ATRN: variants seen among roughly 807,000 people sequenced by gnomAD.
The protein encoded by ATRN is attractin.
Under a neutral mutation model 178.7 loss-of-function variants are expected in ATRN, and 54 were observed. The ratio of observed to expected loss-of-function variants is 0.30; its 90% CI spans 0.24 to 0.38. The LOEUF (loss-of-function observed/expected upper bound fraction) is 0.38. Among genes scored for constraint, ATRN ranks in the 10% least tolerant of loss-of-function variants. The pLI, the probability that ATRN is intolerant of heterozygous loss-of-function variation, is 1.00. For synonymous variants in ATRN, 636 were observed against 663.0 expected, an observed-to-expected ratio of 0.96 and a Z score of 0.63; for missense variants, 1,443 against 1,815.1, an observed-to-expected ratio of 0.79 and a Z score of 3.73.
chr20:3,641,118 T>G (rs1328697566), intron 27 of ATRN, among the ~76,000 whole-genome samples: 3 of 151,546 alleles, frequency 2.0e-5, no homozygotes, highest in African/African-American at 7.3e-5. Flanking sequence ...AAGGGGAAAA[T>G]GGGGAGTTAG....
At chr20:3,550,065 C>T (rs142634473) in intron 6 of ATRN, among the ~76,000 whole-genome samples, 15 of 152,364 alleles carry the variant, frequency 9.8e-5, no homozygotes, top group African/African-American at 9.6e-5. Context: ...CAGTGGCTCA[C>T]GCCTATAACC....
At chr20:3,503,709 A>T (rs1297419969) in intron 1 of ATRN, among the ~76,000 whole-genome samples, 1 of 152,144 alleles carries the variant, frequency 6.6e-6, no homozygotes, top group African/African-American at 2.4e-5. Flanking sequence ...AAAAAAAATG[A>T]CTTGTGGGGC....
At chr20:3,608,316 C>T (rs992007042) in intron 24 of ATRN, among the ~76,000 whole-genome samples, 3 of 152,122 alleles carry the variant, frequency 2.0e-5, no homozygotes, top group Non-Finnish European at 4.4e-5. Context: ...CCAATATTTT[C>T]TTCTAGTAGT....
chr20:3,577,990 C>T (rs560166329), intron 14 of ATRN, among the ~76,000 whole-genome samples: 1 of 152,078 alleles, frequency 6.6e-6, no homozygotes, highest in South Asian at 2.1e-4. Context: ...CTGTGCAGTA[C>T]CTTGTGTGGG....
At chr20:3,587,017 A>C (rs182940731) in intron 18 of ATRN, among the ~76,000 whole-genome samples, 158 of 152,324 alleles carry the variant, frequency 1.0e-3, no homozygotes, top group Non-Finnish European at 2.1e-3. Flanking sequence ...TTCATTAGTT[A>C]GCCTTTTGTA....
chr20:3,537,953 T>A (rs1160738094), intron 2 of ATRN, among the ~76,000 whole-genome samples: 15 of 151,328 alleles, frequency 9.9e-5, no homozygotes, highest in Admixed American at 9.9e-4. Flanking sequence ...TTCTTTTTTT[T>A]ATTTTTTAAT....
chr20:3,473,032 CCA>C (rs2084454824), intron 1 of ATRN, among the ~76,000 whole-genome samples: 3 of 152,274 alleles, frequency 2.0e-5, no homozygotes, highest in Admixed American at 6.5e-5. Context: ...TACTTCAGGA[CCA>C]CTGATGCAGT....
intron 13 of ATRN, among the ~76,000 whole-genome samples, chr20:3,576,510 G>A (rs191774996): frequency 6.6e-6 from 1 of 152,024 alleles, no homozygotes; most frequent in East Asian, 1.9e-4. Context: ...GACTTTTGAA[G>A]TGAGCATTTG....
At chr20:3,519,006 T>TATAAAAAA (rs770584938) in intron 1 of ATRN, among the ~76,000 whole-genome samples, 75 of 119,320 alleles carry the variant, frequency 6.3e-4, no homozygotes, top group Middle Eastern at 4.3e-3. Context: ...TCCTTATATA[T>TATAAAAAA]AAAAAAAAAA....
intron 1 of ATRN, among the ~76,000 whole-genome samples, chr20:3,529,123 C>T (rs914435517): frequency 6.6e-6 from 1 of 151,618 alleles, no homozygotes; most frequent in African/African-American, 2.4e-5. Context: ...CTCTGAAAAT[C>T]TTTAAATATC....
At chr20:3,557,825 A>G (rs997109129) in intron 6 of ATRN, among the ~76,000 whole-genome samples, 1 of 152,268 alleles carries the variant, frequency 6.6e-6, no homozygotes, top group Non-Finnish European at 1.5e-5. Flanking sequence ...TAAATTGCAT[A>G]TAACTTTAAA....
At chr20:3,481,151 A>T (rs553995235) in intron 1 of ATRN, among the ~76,000 whole-genome samples, 1 of 151,696 alleles carries the variant, frequency 6.6e-6, no homozygotes, top group African/African-American at 2.4e-5. Flanking sequence ...CTATACTTCA[A>T]ACTGCTCTGT....
At chr20:3,542,473 GT>G (rs35448704) in intron 3 of ATRN, among the ~76,000 whole-genome samples, 53,210 of 143,340 alleles carry the variant, frequency 0.37, 10,693 homozygotes, top group African/African-American at 0.54. Flanking sequence ...TCCTTTTAGA[GT>G]TTTTTTTTTT....
intron 1 of ATRN, among the ~76,000 whole-genome samples, chr20:3,506,938 A>G (rs186498507): frequency 6.6e-6 from 1 of 152,278 alleles, no homozygotes; most frequent in Non-Finnish European, 1.5e-5. Flanking sequence ...TTAGAAGAGA[A>G]TTAGTTAACT....
chr20:3,533,693 T>C (rs957287936), intron 1 of ATRN, among the ~76,000 whole-genome samples: 1 of 152,186 alleles, frequency 6.6e-6, no homozygotes, highest in Non-Finnish European at 1.5e-5. Flanking sequence ...GGATTGCTTA[T>C]CTTTGGGTTT....
At chr20:3,545,104 C>T (rs538827605) in intron 3 of ATRN, among the ~76,000 whole-genome samples, 1 of 151,954 alleles carries the variant, frequency 6.6e-6, no homozygotes, top group Non-Finnish European at 1.5e-5. Context: ...CAATGGCTCA[C>T]GCCTGTAGTC....
At chr20:3,557,692 AT>A (rs1365062143) in intron 6 of ATRN, among the ~76,000 whole-genome samples, 2 of 152,218 alleles carry the variant, frequency 1.3e-5, no homozygotes, top group Non-Finnish European at 2.9e-5. Flanking sequence ...TGTAGTGCAA[AT>A]GTTAAGGACC....
At chr20:3,550,248 A>C (rs117570761) in intron 6 of ATRN, among the ~76,000 whole-genome samples, 5,807 of 152,284 alleles carry the variant, frequency 0.038, 145 homozygotes, top group Non-Finnish European at 0.056. Context: ...GAATTGCTTG[A>C]ACCTGGGAGA....
rs556791402 is a variant in ATRN, at chr20:3,483,373, G to A, written c.410+11856G>A. Among the ~76,000 whole-genome samples, 5 of 151,942 alleles carry A rather than the reference G, an allele frequency of 3.3e-5. No homozygotes were observed. In the South Asian group the frequency reaches 1.0e-3, roughly 32 times the overall value. ...TTACATTCTTTTTTTTTGTGACAGG[G>A]TCTCACTCTATGAACCAGGCTAGAG... On this transcript the variant is annotated intron_variant, in intron 1 of 28. Transcript: ENST00000262919.
Sources: gnomAD v4.1 joint callset for allele counts (sites outside exome capture counted in the v4.1 genomes callset) on GRCh38, gnomAD v4.1.1 for gene constraint, MANE v1.5 for transcripts, NCBI Gene and HGNC (gene_info 2026-07-23, HGNC 2026-07-21) for gene names.